The following ABHD1 variants were observed in gnomAD, a reference collection of about 807,000 sequenced individuals.
ABHD1 encodes protein ABHD1.
Under a neutral mutation model 41.4 loss-of-function variants are expected in ABHD1, and 47 were observed. The ratio of observed to expected loss-of-function variants is 1.13; its 90% confidence interval spans 0.90 to 1.45. The LOEUF is 1.45. Ranked by LOEUF, ABHD1 falls within the 40% of genes most tolerant of loss-of-function variation. The pLI, the probability that ABHD1 is intolerant of heterozygous loss-of-function variation, is 0.00. For synonymous variants in ABHD1, 205 were observed against 203.7 expected (o/e 1.01, Z -0.05); for missense variants, 550 against 503.4 (o/e 1.09, Z -0.89).
At position 27,124,052 on chromosome 2, in the gene ABHD1, G is replaced by C; in HGVS notation, c.104G>C (p.Cys35Ser). ...CTCTACTTGGGCTACTACTGGGCAT[G>C]TGTGCTTCAGGTGGGTGCGGGTCCA... The part of the protein sequence containing the change: ...VALYLGYYWA[C>S]VLQRPRLVAG... Residue 35 changes from cysteine (C) to serine (S), a missense_variant, in exon 1 of 9, where the codon TGT becomes TCT. Coordinates refer to ENST00000316470, the MANE Select transcript of ABHD1 (RefSeq NM_032604.4). 1 of 1,614,192 alleles carries C rather than the reference G, an allele frequency of 6.2e-7. No homozygotes were observed. The highest frequency in any genetic ancestry group is 8.5e-7 in the Non-Finnish European group (1 of 1,180,008).
In ABHD1 at chr2:27,129,351, A is replaced by T. The variant is rs1412207446; in HGVS notation, c.494A>T (p.Glu165Val). 5 of 1,613,940 alleles carry T rather than the reference A, an allele frequency of 3.1e-6. No homozygotes were observed. Among genetic ancestry groups the T allele is most frequent in the African/African-American group, 2.7e-5 (2 of 74,862 alleles). ...TTTAACAACCGGGGCTGCCGTGGGG[A>T]GGAACTGCGGGTGAGTAGCTGCCTT... ...VVFNNRGCRG[E>V]ELRTHRAFCA... The change falls in exon 4 of 9, where the codon GAG becomes GTG. Residue 165 changes from glutamate (E) to valine (V), a missense_variant. By Grantham distance (121) the Glu-to-Val change is moderately radical. Coordinates refer to ENST00000316470, the MANE Select transcript of ABHD1 (RefSeq NM_032604.4).
In ABHD1 at chr2:27,130,732, C is replaced by T. The variant is rs1162688435; in HGVS notation, c.1206C>T (p.Asp402=). 6.2e-7 allele frequency: 1 copy of T among 1,614,100 alleles called. No homozygotes were observed. The highest frequency in any genetic ancestry group is 8.5e-7 in the Non-Finnish European group (1 of 1,179,980). The change falls in exon 9 of 9, where the codon GAC becomes GAT. Residue 402 remains aspartate, a synonymous_variant. Transcript: ENST00000316470. ...PDLRALLPSE[D]RNS Reference sequence around the variant, plus strand: ...TCAGGGCTCTCTTACCTTCTGAGGACAGAAACAGCTGACAAGAGTACCATT... The same window carrying T: ...TCAGGGCTCTCTTACCTTCTGAGGATAGAAACAGCTGACAAGAGTACCATT...
chr2:27,128,709 G>C (rs1672081392), intron 2 of ABHD1, 108 bp downstream of exon 2: 1 of 1,474,112 alleles, frequency 6.8e-7, no homozygotes. Flanking sequence ...TCCCTGTGTT[G>C]AGGGTTCAAT....
chr2:27,129,232 T>C, intron 3 of ABHD1, 84 bp from the exon 4 acceptor site: 1 of 1,599,324 alleles, frequency 6.3e-7, no homozygotes, highest in Non-Finnish European at 8.5e-7. Flanking sequence ...ACAAAGGGAG[T>C]CTTTGGACAG....
At position 27,130,559 on chromosome 2, in the gene ABHD1, T is replaced by C. The variant is rs768421780; in HGVS notation, c.1033T>C (p.Ser345Pro). The change falls in exon 9 of 9, where the codon TCC becomes CCC. Residue 345 changes from serine to proline, a missense_variant. By Grantham distance (74) the Ser-to-Pro change is moderately conservative. Coordinates refer to ENST00000316470, the MANE Select transcript of ABHD1 (RefSeq NM_032604.4). ...CCTTCCCATACAGGCCGCCCAACAC[T>C]CCCCCTACGTTGCGCTGCTCATCAC... ...CALPIQAAQHSPYVALLITAR... is the reference protein window; with the variant it reads ...CALPIQAAQHPPYVALLITAR... The C allele has an allele frequency of 1.2e-6, 2 of 1,613,906 alleles. No homozygotes were observed. The highest frequency in any genetic ancestry group is 1.7e-6 in the Non-Finnish European group (2 of 1,179,968).
chr2:27,128,356 G>C (rs1672062116), intron 1 of ABHD1, 85 bp from the exon 2 acceptor site: 9 of 1,589,298 alleles, frequency 5.7e-6, no homozygotes, highest in Non-Finnish European at 7.7e-6. Context: ...TCTGGAGAGG[G>C]GGCCCCCTCA....
intron 5 of ABHD1, 32 bp from the exon 6 acceptor site, chr2:27,129,722 C>G (rs1437305457): frequency 4.3e-6 from 7 of 1,612,600 alleles, no homozygotes; most frequent in Admixed American, 1.7e-5. Flanking sequence ...AATGCAAACC[C>G]TTCTTTCATG....
chr2:27,130,581 T>C lies in ABHD1; in HGVS notation c.1055T>C (p.Ile352Thr), dbSNP rs1672201223. The C allele has an allele frequency of 1.2e-6, 2 of 1,614,064 alleles. No homozygotes were observed. Among genetic ancestry groups the C allele is most frequent in the Non-Finnish European group, 1.7e-6 (2 of 1,180,050 alleles). Reference protein sequence around the residue: ...AQHSPYVALLITARGGHIGFL... With the variant: ...AQHSPYVALLTTARGGHIGFL... The stretch of plus-strand genomic sequence containing the variant: ...CACTCCCCCTACGTTGCGCTGCTCA[T>C]CACAGCCCGGGGTGGCCACATCGGC... Residue 352 changes from isoleucine (I) to threonine (T), a missense_variant, in exon 9 of 9, where the codon ATC becomes ACC. Transcript: ENST00000316470.
intron 4 of ABHD1, 49 bp downstream of exon 4, chr2:27,129,410 G>C: frequency 1.2e-6 from 2 of 1,613,530 alleles, no homozygotes; most frequent in Non-Finnish European, 1.7e-6. Flanking sequence ...TCCCTTTAGA[G>C]ATCCTTGGCC....
intron 6 of ABHD1, 83 bp from the exon 7 acceptor site, chr2:27,130,022 C>G: frequency 6.2e-7 from 1 of 1,610,594 alleles, no homozygotes; most frequent in Non-Finnish European, 8.5e-7. Flanking sequence ...TCTGGGCTTC[C>G]TCACACATGA....
rs201314697 is a variant in ABHD1 at position 27,130,252 on chromosome 2, C to T, written c.842C>T (p.Ala281Val). ...CCTATCCTATGGTAAGACCTGCAGGCCCGTACAATCCGCCAGTTTGATGAG... is the reference window on the plus strand; with the variant it reads ...CCTATCCTATGGTAAGACCTGCAGGTCCGTACAATCCGCCAGTTTGATGAG... ...KVVDIDFVLQARTIRQFDERY... is the reference protein window; with the variant it reads ...KVVDIDFVLQVRTIRQFDERY... The change falls in exon 8 of 9, where the codon GCC (alanine) becomes GTC (valine). Residue 281 changes from alanine (A) to valine (V), a missense_variant and splice_region_variant. Ala to Val is a moderately conservative substitution (Grantham distance 64). Coordinates refer to ENST00000316470, the MANE Select transcript of ABHD1 (RefSeq NM_032604.4). 10 of 1,613,960 alleles carry T rather than the reference C, an allele frequency of 6.2e-6. No homozygotes were observed. In the African/African-American group the frequency reaches 1.2e-4, roughly 19 times the overall value.
In ABHD1 at chr2:27,129,377, C is replaced by G; in HGVS notation, c.504+16C>G. 1 of 1,614,086 alleles carries G rather than the reference C, an allele frequency of 6.2e-7. No homozygotes were observed. The highest frequency in any genetic ancestry group is 8.5e-7 in the Non-Finnish European group (1 of 1,179,994). ...GGAACTGCGGGTGAGTAGCTGCCTT[C>G]CTCATAGCAGCCCTTCACCCACTCC... On this transcript the variant is annotated intron_variant, in intron 4 of 8. Transcript: ENST00000316470.
chr2:27,128,182 C>CA (rs1229803392), intron 1 of ABHD1, among the ~76,000 whole-genome samples: 3 of 152,214 alleles, frequency 2.0e-5, no homozygotes, highest in African/African-American at 7.2e-5. Context: ...AGTCAGCACT[C>CA]AGTCAACTCA....
chr2:27,130,521 A>C lies in ABHD1; in HGVS notation c.1007-12A>C. On this transcript the variant is annotated splice_polypyrimidine_tract_variant and intron_variant, in intron 8 of 8. Transcript: ENST00000316470. ...TGAAGGCCAGTGTTTCTAACCTCTG[A>C]CCCTCTCCTAGCCCTTCCCATACAG... The C allele has an allele frequency of 6.2e-7, 1 of 1,613,100 alleles. No individual in the cohort carries two copies. Among genetic ancestry groups the C allele is most frequent in the Non-Finnish European group, 8.5e-7 (1 of 1,179,220 alleles).
rs1672104610 is a variant in ABHD1 at position 27,129,128 on chromosome 2, G to A, written c.458+1G>A. 1.9e-6 allele frequency: 3 copies of A among 1,612,010 alleles called. No individual in the cohort carries two copies. The highest frequency in any genetic ancestry group is 1.3e-5 in the African/African-American group (1 of 74,942). On this transcript the variant is annotated splice_donor_variant, in intron 3 of 8. Coordinates refer to ENST00000316470, the MANE Select transcript of ABHD1 (RefSeq NM_032604.4). LOFTEE classifies it high-confidence loss of function. ...ACCAAGCTCTGAGGGATGGCTACCA[G>A]TAAGGATGGGTGCAGCCCCAGAGTG...
rs1433457873 is a variant in ABHD1 at position 27,129,903 on chromosome 2, C to A, written c.767C>A (p.Ala256Asp). ...CTGCTCTTCAATCAGCCCCTCACTG[C>A]TGGGCTCTGCCAACTTGTGGAACGG... ...NSLLFNQPLT[A>D]GLCQLVERNR... is the part of the protein sequence containing the mutation. The change falls in exon 6 of 9, where the codon GCT becomes GAT. Residue 256 changes from alanine (A) to aspartate (D), a missense_variant. By Grantham distance (126) the Ala-to-Asp change is moderately radical. Transcript: ENST00000316470. 6.2e-7 allele frequency: 1 copy of A among 1,614,028 alleles called. No homozygotes were observed. Among genetic ancestry groups the A allele is most frequent in the Admixed American group, 1.7e-5 (1 of 60,026 alleles).
At position 27,130,393 on chromosome 2, in the gene ABHD1, A is replaced by T; in HGVS notation, c.983A>T (p.Asp328Val). The change falls in exon 8 of 9, where the codon GAT becomes GTT. Residue 328 changes from aspartate to valine, a missense_variant. Asp to Val is a radical substitution (Grantham distance 152). Coordinates refer to ENST00000316470, the MANE Select transcript of ABHD1 (RefSeq NM_032604.4). The stretch of plus-strand genomic sequence containing the variant: ...CCTGTGCTCTATCTCAGTGCAGCAG[A>T]TGACCCCTTCTCCCCCGTCTGTGGT... Reference protein sequence around the residue: ...RIPVLYLSAADDPFSPVCALP... With the variant: ...RIPVLYLSAAVDPFSPVCALP... 3.1e-6 allele frequency: 5 copies of T among 1,614,172 alleles called. No homozygotes were observed. Among genetic ancestry groups the T allele is most frequent in the Non-Finnish European group, 4.2e-6 (5 of 1,180,032 alleles).
chr2:27,128,900 TAA>T (rs766546109), intron 2 of ABHD1, 43 bp from the exon 3 acceptor site: 3 of 1,583,154 alleles, frequency 1.9e-6, no homozygotes, highest in African/African-American at 1.3e-5. Flanking sequence ...TGAATTACAT[TAA>T]GTTCTTAATA....
Position 27,129,322 on chromosome 2 carries a change from C to T in ABHD1, c.465C>T (p.Val155=), listed in dbSNP as rs776849187. 41 of 1,613,988 alleles carry T rather than the reference C, an allele frequency of 2.5e-5. No individual in the cohort carries two copies. Among genetic ancestry groups the T allele is most frequent in the East Asian group, 8.9e-5 (4 of 44,900 alleles). ...GTACCTGTGTGTGCCACAGGGCTGT[C>T]GTGTTTAACAACCGGGGCTGCCGTG... The part of the protein sequence containing the change: ...NQALRDGYQA[V]VFNNRGCRGE... The change falls in exon 4 of 9, where the codon GTC becomes GTT. Residue 155 remains valine, a synonymous_variant. Transcript: ENST00000316470.
Sources: allele counts gnomAD v4.1 joint callset (sites outside exome capture counted in the v4.1 genomes callset), GRCh38; gene constraint gnomAD v4.1.1; transcripts MANE v1.5; gene names NCBI Gene and HGNC (gene_info 2026-07-23, HGNC 2026-07-21).